KANSL1L: variants seen among roughly 807,000 people sequenced by gnomAD.
The protein encoded by KANSL1L is KAT8 regulatory NSL complex subunit 1-like protein.
KANSL1L carries 25 observed loss-of-function variants against 108.6 expected under a neutral mutation model. That is an observed-to-expected ratio of 0.23 (90% confidence interval 0.17 to 0.32). KANSL1L has a LOEUF of 0.32. Ranked by LOEUF, KANSL1L falls within the 10% of genes least tolerant of loss-of-function variation. KANSL1L has a pLI of 1.00. For missense variants in KANSL1L, 1,137 were observed against 1,125.7 expected (o/e 1.01, Z -0.14); for synonymous variants, 405 against 395.1 (o/e 1.03, Z -0.30).
intron 1 of KANSL1L, among the ~76,000 whole-genome samples, chr2:210,161,251 G>A (rs962172694): frequency 6.6e-6 from 1 of 152,122 alleles, no homozygotes; most frequent in Non-Finnish European, 1.5e-5. Context: ...GCCTCCCAAA[G>A]TGCTAGGATT....
intron 14 of KANSL1L, among the ~76,000 whole-genome samples, chr2:210,023,672 G>C (rs1007898971): frequency 4.6e-5 from 7 of 152,170 alleles, no homozygotes; most frequent in African/African-American, 1.7e-4. Context: ...TTTAAAGTAG[G>C]AACTGGGTCT....
At chr2:210,086,144 A>C (rs2125366390) in intron 5 of KANSL1L, among the ~76,000 whole-genome samples, 1 of 152,102 alleles carries the variant, frequency 6.6e-6, no homozygotes, top group African/African-American at 2.4e-5. Context: ...GTTGCATGTC[A>C]CATGAGATAA....
At chr2:210,096,399 T>A (rs1023680907) in intron 5 of KANSL1L, 1 of 662,586 alleles carries the variant, frequency 1.5e-6, no homozygotes, top group African/African-American at 2.0e-5. Flanking sequence ...GTCTTCATAT[T>A]TGTGTCCCTA....
chr2:210,083,658 C>G lies in KANSL1L; in HGVS notation c.1551-7902G>C, dbSNP rs186050402. Among the ~76,000 whole-genome samples the G allele has an allele frequency of 6.6e-5, 10 of 151,884 alleles. No individual in the cohort carries two copies. In the East Asian group the frequency reaches 1.6e-3, roughly 24 times the overall value. On this transcript the variant is annotated intron_variant, in intron 5 of 14. Transcript: ENST00000281772. ...CCTGGCTAACACGGTGAAACCCCGT[C>G]TCTACTAAACATACAAAAAAATTAG...
At chr2:210,038,878 A>G (rs1223878731) in intron 8 of KANSL1L, among the ~76,000 whole-genome samples, 3 of 151,982 alleles carry the variant, frequency 2.0e-5, no homozygotes, top group Non-Finnish European at 4.4e-5. Flanking sequence ...TTATAGAATT[A>G]TACAGACTTA....
chr2:210,146,084 T>C (rs1575613479), intron 2 of KANSL1L, among the ~76,000 whole-genome samples: 1 of 152,064 alleles, frequency 6.6e-6, no homozygotes, highest in Non-Finnish European at 1.5e-5. Context: ...CAAAAGATAC[T>C]GATGTTGTGG....
intron 5 of KANSL1L, 81 bp from the exon 6 acceptor site, chr2:210,075,837 T>C: frequency 3.8e-6 from 4 of 1,043,164 alleles, no homozygotes; most frequent in Non-Finnish European, 5.7e-6. Flanking sequence ...GAAAACTAAA[T>C]GTAAATTGCC....
intron 1 of KANSL1L, among the ~76,000 whole-genome samples, chr2:210,156,268 C>T (rs893755686): frequency 6.6e-6 from 1 of 151,806 alleles, no homozygotes; most frequent in African/African-American, 2.4e-5. Flanking sequence ...TTTCTGAAAA[C>T]ATCACATACA....
chr2:210,023,447 G>A (rs913624917), intron 14 of KANSL1L, among the ~76,000 whole-genome samples: 3 of 152,170 alleles, frequency 2.0e-5, no homozygotes, highest in African/African-American at 7.2e-5. Context: ...CGACCTAAGA[G>A]TACTTTGGGA....
chr2:210,027,290 G>A lies in KANSL1L; in HGVS notation c.2451+6C>T. On this transcript the variant is annotated splice_donor_region_variant and intron_variant, in intron 12 of 14. Coordinates refer to ENST00000281772, the MANE Select transcript of KANSL1L (RefSeq NM_152519.4). ...CAATTATCCCATTAAATGAAAGGCAGCTTACCTCTTCTTTGCCTAAATTAT... is the reference window on the plus strand; with the variant it reads ...CAATTATCCCATTAAATGAAAGGCAACTTACCTCTTCTTTGCCTAAATTAT... The A allele has an allele frequency of 6.3e-7, 1 of 1,592,080 alleles. No individual in the cohort carries two copies. The highest frequency in any genetic ancestry group is 8.6e-7 in the Non-Finnish European group (1 of 1,160,096).
At chr2:210,031,613 GT>G in intron 8 of KANSL1L, 67 bp from the exon 9 acceptor site, 1 of 1,010,624 alleles carries the variant, frequency 9.9e-7, no homozygotes, top group South Asian at 2.2e-5. Flanking sequence ...ATGTCAATCT[GT>G]TTTTATTTGT....
At chr2:210,025,035 A>G (rs6435550) in intron 13 of KANSL1L, 69 bp downstream of exon 13, 434,966 of 991,806 alleles carry the variant, frequency 0.44, 96,630 homozygotes, top group East Asian at 0.51. Context: ...GTCTCACCCA[A>G]AATTCATGCA....
rs1190686739 is a variant in KANSL1L, at chr2:210,025,160, T to G, written c.2508A>C (p.Arg836Ser). 10 of 1,613,414 alleles carry G rather than the reference T, an allele frequency of 6.2e-6. No homozygotes were observed. Among genetic ancestry groups the G allele is most frequent in the East Asian group, 4.5e-5 (2 of 44,886 alleles). Reference sequence around the variant, plus strand: ...CCCATAGTGACCACCTGGCTTGCTCTCTCTCTTCATATTTTTTGTGCCTTA... The same window carrying G: ...CCCATAGTGACCACCTGGCTTGCTCGCTCTCTTCATATTTTTTGTGCCTTA... Reference protein sequence around the residue: ...FSLRHKKYEEREQARWSLWEQ... With the variant: ...FSLRHKKYEESEQARWSLWEQ... The change falls in exon 13 of 15, where the codon AGA becomes AGC. Residue 836 changes from arginine (R) to serine (S), a missense_variant. Around this residue, in one of 3 missense-constraint regions of KANSL1L, gnomAD observed 575 missense variants for 567.1 expected, o/e 1.01. Transcript: ENST00000281772.
chr2:210,144,737 CCT>C (rs1445260868), intron 2 of KANSL1L, among the ~76,000 whole-genome samples: 7 of 152,020 alleles, frequency 4.6e-5, no homozygotes, highest in Non-Finnish European at 1.0e-4. Flanking sequence ...TTGAATTGCC[CCT>C]CTGTGTTCTC....
intron 2 of KANSL1L, among the ~76,000 whole-genome samples, chr2:210,148,752 T>C (rs936625791): frequency 2.6e-5 from 4 of 152,192 alleles, no homozygotes; most frequent in African/African-American, 9.6e-5. Context: ...GCGAAATATA[T>C]ATTTAAAACA....
intron 3 of KANSL1L, among the ~76,000 whole-genome samples, chr2:210,124,504 A>AG (rs937286744): frequency 2.0e-5 from 3 of 152,094 alleles, no homozygotes; most frequent in African/African-American, 7.2e-5. Flanking sequence ...GGCAGTGCTA[A>AG]GGGGGGAGTT....
At chr2:210,031,844 C>G (rs896126741) in intron 8 of KANSL1L, among the ~76,000 whole-genome samples, 3 of 151,980 alleles carry the variant, frequency 2.0e-5, no homozygotes, top group African/African-American at 7.3e-5. Flanking sequence ...TCTTGGCGAT[C>G]AGAATCTTTA....
chr2:210,102,567 T>A (rs2094804978), intron 4 of KANSL1L, among the ~76,000 whole-genome samples: 2 of 152,170 alleles, frequency 1.3e-5, no homozygotes, highest in South Asian at 4.2e-4. Flanking sequence ...AATCTACCTA[T>A]CTGACAAAGG....
intron 1 of KANSL1L, among the ~76,000 whole-genome samples, chr2:210,169,235 G>A (rs1688181987): frequency 6.6e-6 from 1 of 152,094 alleles, no homozygotes; most frequent in African/African-American, 2.4e-5. Context: ...AATTTCAAAG[G>A]TTTATGTAAA....
Sources: gnomAD v4.1 joint callset for allele counts (sites outside exome capture counted in the v4.1 genomes callset) on GRCh38, gnomAD v4.1.1 for gene constraint, gnomAD v4.1.1 regional missense constraint, MANE v1.5 for transcripts, NCBI Gene and HGNC (gene_info 2026-07-23, HGNC 2026-07-21) for gene names.